The following SPATA31F1 variants were observed in gnomAD, a reference collection of about 807,000 sequenced individuals.
SPATA31F1 encodes protein SPATA31F1.
the SPATA31F1 span, chr9:34,726,516 G>A: frequency 2.1e-5 from 33 of 1,551,698 alleles, no homozygotes; most frequent in Non-Finnish European, 2.7e-5. Flanking sequence ...ACAAGGCTGG[G>A]GTTGCTCTGC....
the SPATA31F1 span, chr9:34,728,616 T>G: frequency 5.8e-6 from 9 of 1,550,720 alleles, no homozygotes; most frequent in Non-Finnish European, 7.8e-6. Flanking sequence ...TACCTGTTGA[T>G]GCTGCATCTC....
At chr9:34,728,662 G>A in the SPATA31F1 span, 4 of 1,551,426 alleles carry the variant, frequency 2.6e-6, no homozygotes, top group South Asian at 4.8e-5. Context: ...ACACTTAGAA[G>A]ACAAAAACAT....
At chr9:34,728,101 G>A in the SPATA31F1 span, 40 of 1,550,436 alleles carry the variant, frequency 2.6e-5, no homozygotes, top group Non-Finnish European at 3.1e-5. Context: ...CGGGGAGACA[G>A]TGTTATATGG....
chr9:34,724,705 G>C, the SPATA31F1 span: 1 of 1,550,206 alleles, frequency 6.5e-7, no homozygotes, highest in East Asian at 2.4e-5. Context: ...AACTCTCATT[G>C]TTGCCTTGAG....
the SPATA31F1 span, chr9:34,723,387 C>CCACCAGCTTT: frequency 6.4e-7 from 1 of 1,551,690 alleles, no homozygotes; most frequent in Non-Finnish European, 8.7e-7. Flanking sequence ...AAGGCTGGGC[C>CCACCAGCTTT]CACCAGCTTC....
chr9:34,723,817 A>T, the SPATA31F1 span: 4 of 1,551,498 alleles, frequency 2.6e-6, no homozygotes, highest in African/African-American at 4.1e-5. Flanking sequence ...GCTTGGTTTG[A>T]CTGTCTTGCA....
chr9:34,728,231 G>T, the SPATA31F1 span: 1 of 663,724 alleles, frequency 1.5e-6, no homozygotes. Context: ...GTACAGCATC[G>T]CTGTAACACA....
chr9:34,723,441 C>T, the SPATA31F1 span: 1 of 1,551,792 alleles, frequency 6.4e-7, no homozygotes, highest in East Asian at 2.4e-5. Context: ...GTCGGCTTCT[C>T]CGTCTTACTT....
chr9:34,729,208 T>C, the SPATA31F1 span: 3 of 1,471,878 alleles, frequency 2.0e-6, no homozygotes, highest in Middle Eastern at 3.5e-4. Flanking sequence ...GGGGTGGGGA[T>C]TATAAGGGAG....
At chr9:34,728,638 C>T in the SPATA31F1 span, 4 of 1,551,366 alleles carry the variant, frequency 2.6e-6, no homozygotes, top group South Asian at 1.2e-5. Flanking sequence ...AGCTCTTTGC[C>T]TGACTTTTTG....
At chr9:34,729,329 C>T in the SPATA31F1 span, 2 of 1,552,008 alleles carry the variant, frequency 1.3e-6, no homozygotes, top group South Asian at 1.2e-5. Flanking sequence ...CATGGTGGCT[C>T]CTTTTCACTT....
chr9:34,723,299 T>TAGCCCAGGGCTGAGGCAGAGCC, the SPATA31F1 span: 2 of 1,539,938 alleles, frequency 1.3e-6, no homozygotes, highest in African/African-American at 2.7e-5. Flanking sequence ...GTGGCGGGGG[T>TAGCCCAGGGCTGAGGCAGAGCC]AGCCCAGGGC....
chr9:34,726,993 G>C, the SPATA31F1 span: 1 of 1,543,388 alleles, frequency 6.5e-7, no homozygotes, highest in East Asian at 2.5e-5. Context: ...CCCTGGCTAG[G>C]AAGGGAAACA....
chr9:34,729,270 G>A, the SPATA31F1 span: 3 of 1,550,956 alleles, frequency 1.9e-6, no homozygotes, highest in Non-Finnish European at 2.6e-6. Context: ...GTTCAGTTGG[G>A]ATCACAGCCC....
the SPATA31F1 span, chr9:34,723,332 G>C: frequency 3.2e-6 from 5 of 1,551,690 alleles, no homozygotes; most frequent in Non-Finnish European, 4.4e-6. Context: ...AGGTTGTCTG[G>C]AGTGTAGCCG....
At chr9:34,728,552 G>A in the SPATA31F1 span, 2 of 1,513,608 alleles carry the variant, frequency 1.3e-6, no homozygotes, top group Non-Finnish European at 1.8e-6. Context: ...CAGAGGGACA[G>A]GATTCATGGG....
the SPATA31F1 span, chr9:34,723,393 G>C: frequency 6.4e-7 from 1 of 1,551,760 alleles, no homozygotes; most frequent in East Asian, 2.4e-5. Flanking sequence ...GGGCCCACCA[G>C]CTTCTGAGCA....
At chr9:34,724,196 T>C in the SPATA31F1 span, 40 of 1,551,352 alleles carry the variant, frequency 2.6e-5, no homozygotes, top group East Asian at 7.3e-5. Flanking sequence ...TTTGTTCACA[T>C]TGGCCTCTAC....
chr9:34,723,342 G>C, the SPATA31F1 span: 4 of 1,551,694 alleles, frequency 2.6e-6, no homozygotes, highest in Non-Finnish European at 3.5e-6. Context: ...GAGTGTAGCC[G>C]GAGCTTATCG....
Sources: allele counts gnomAD v4.1 joint callset, GRCh38; gene constraint gnomAD v4.1.1; transcripts MANE v1.5; gene names NCBI Gene and HGNC (gene_info 2026-07-23, HGNC 2026-07-21).